Variants in ACSL1 observed in about 807,000 individuals in gnomAD.
The protein encoded by ACSL1 is acyl-CoA synthetase long chain family member 1.
Under a neutral mutation model 98.4 loss-of-function variants are expected in ACSL1, and 41 were observed. That is an observed-to-expected ratio of 0.42 (90% CI 0.32 to 0.54). The LOEUF is 0.54. Ranked by LOEUF, ACSL1 falls within the 20% of genes least tolerant of loss-of-function variation. The probability of loss-of-function intolerance (pLI) is 0.13; values close to 1 mark genes in which losing one functional copy is unlikely to be tolerated. For missense variants in ACSL1, 734 were observed against 883.1 expected (o/e 0.83, Z 2.14); for synonymous variants, 316 against 322.7 (o/e 0.98, Z 0.22).
chr4:184,819,397 C>T (rs766887771), intron 1 of ACSL1, among the ~76,000 whole-genome samples: 10 of 152,078 alleles, frequency 6.6e-5, no homozygotes, highest in Non-Finnish European at 1.3e-4. Context: ...CCTGCCTTGG[C>T]CTCCCAAAGT....
Position 184,788,678 on chromosome 4 carries a change from C to A in ACSL1, c.249G>T (p.Val83=). ...SALLDSDEPL[V]YFYDDVTTLY... ...ATGTTGTGACATCATCATAGAAATA[C>A]ACCAAGGGCTCGTCGCTGTCAAGTA... The change falls in exon 3 of 21, where the codon GTG becomes GTT. Residue 83 remains valine (V), a synonymous_variant. Coordinates refer to ENST00000281455, the MANE Select transcript of ACSL1 (RefSeq NM_001995.5). The A allele has an allele frequency of 6.2e-7, 1 of 1,614,184 alleles. No homozygotes were observed. Among genetic ancestry groups the A allele is most frequent in the South Asian group, 1.1e-5 (1 of 91,082 alleles).
chr4:184,808,269 C>T, intron 1 of ACSL1: 6 of 973,532 alleles, frequency 6.2e-6, no homozygotes, highest in Non-Finnish European at 7.3e-6. Flanking sequence ...ACTGCCCCTG[C>T]AACTCTGCAA....
At chr4:184,825,998 G>C (rs1380063780), upstream of ACSL1, 4 of 148,266 alleles carry the variant, frequency 2.7e-5, no homozygotes, top group African/African-American at 9.8e-5. This position sits in a 1 kb window ranked among gnomAD's most constrained non-coding sequence, Gnocchi z 4.7. Flanking sequence ...TGCTATTTAA[G>C]GCGCCGCTGG....
rs144367912 is a variant in ACSL1, at chr4:184,804,530, G to A, written c.-32-984C>T. Among the ~76,000 whole-genome samples the A allele has an allele frequency of 1.4e-3, 217 of 151,908 alleles. 1 individual carries two copies. The highest frequency in any genetic ancestry group is 5.1e-3 in the African/African-American group (212 of 41,400). ...AGGAGGCAGAGGGTTGCAGTGAGCC[G>A]GGATCGTGCCACTGCACTCCAATCT... On this transcript the variant is annotated intron_variant, in intron 1 of 20. Transcript: ENST00000281455.
chr4:184,802,797 T>A (rs1046862873), intron 2 of ACSL1, among the ~76,000 whole-genome samples: 2 of 152,202 alleles, frequency 1.3e-5, no homozygotes, highest in African/African-American at 4.8e-5. Flanking sequence ...GAGGGTTGTT[T>A]CTTCATGTCC....
intron 1 of ACSL1, chr4:184,812,196 C>T: frequency 1.0e-6 from 1 of 985,424 alleles, no homozygotes. Context: ...GATGCTTCTT[C>T]CTCTCCCCGG....
intron 3 of ACSL1, among the ~76,000 whole-genome samples, chr4:184,785,992 A>G (rs1767226530): frequency 6.6e-6 from 1 of 151,898 alleles, no homozygotes; most frequent in Non-Finnish European, 1.5e-5. Flanking sequence ...GGTCCTAGTG[A>G]GTGTGGGTGA....
intron 1 of ACSL1, chr4:184,808,378 T>C (rs1579955686): frequency 3.0e-6 from 3 of 985,448 alleles, no homozygotes; most frequent in Non-Finnish European, 3.6e-6. Flanking sequence ...CCTCAAGCTT[T>C]CATCAAGATG....
chr4:184,761,099 C>G (rs116169308), intron 17 of ACSL1, among the ~76,000 whole-genome samples: 1 of 152,184 alleles, frequency 6.6e-6, no homozygotes, highest in African/African-American at 2.4e-5. Flanking sequence ...TTACCCCATC[C>G]CCACCCCGGG....
intron 2 of ACSL1, among the ~76,000 whole-genome samples, chr4:184,797,625 C>T (rs1769664119): frequency 6.6e-6 from 1 of 152,168 alleles, no homozygotes; most frequent in South Asian, 2.1e-4. Context: ...GGATATGTTG[C>T]CTTTAGTTTG....
At chr4:184,813,908 G>T (rs1393057335) in intron 1 of ACSL1, 3 of 455,514 alleles carry the variant, frequency 6.6e-6, no homozygotes, top group African/African-American at 6.0e-5. Context: ...ACGCAGAGAA[G>T]GTACCTAGAT....
chr4:184,784,206 C>T (rs1766825173), intron 3 of ACSL1, among the ~76,000 whole-genome samples: 1 of 151,910 alleles, frequency 6.6e-6, no homozygotes, highest in South Asian at 2.1e-4. Context: ...TTAAGTGGGG[C>T]AGGAGAGGGG....
At chr4:184,768,949 G>A (rs1352659501) in intron 11 of ACSL1, among the ~76,000 whole-genome samples, 2 of 151,978 alleles carry the variant, frequency 1.3e-5, no homozygotes, top group Admixed American at 6.6e-5. Flanking sequence ...GGTGCCCATA[G>A]TCCCAGCGAC....
intron 1 of ACSL1, among the ~76,000 whole-genome samples, chr4:184,819,957 T>C (rs926490142): frequency 5.9e-5 from 9 of 151,724 alleles, no homozygotes; most frequent in Non-Finnish European, 7.4e-5. Context: ...ACAGAGAGGG[T>C]CAGAATAAGC....
intron 2 of ACSL1, among the ~76,000 whole-genome samples, chr4:184,796,444 G>C (rs1769376155): frequency 6.6e-6 from 1 of 152,192 alleles, no homozygotes; most frequent in South Asian, 2.1e-4. Context: ...TCAAATGCTG[G>C]AATACTTTTC....
intron 5 of ACSL1, among the ~76,000 whole-genome samples, chr4:184,777,737 C>T (rs1765528566): frequency 6.6e-6 from 1 of 151,944 alleles, no homozygotes; most frequent in African/African-American, 2.4e-5. Flanking sequence ...GCTACAGATG[C>T]TACTGGGAGG....
At chr4:184,819,625 C>T (rs1394241598) in intron 1 of ACSL1, among the ~76,000 whole-genome samples, 2 of 152,058 alleles carry the variant, frequency 1.3e-5, no homozygotes, top group Admixed American at 6.6e-5. Context: ...TAACCCCATG[C>T]CGCCAGAGTT....
At chr4:184,821,301 T>C (rs1773053725) in intron 1 of ACSL1, 3 of 327,784 alleles carry the variant, frequency 9.2e-6, no homozygotes, top group South Asian at 2.3e-5. Flanking sequence ...ATAAATAGTA[T>C]TCAGAGTGTT....
intron 2 of ACSL1, among the ~76,000 whole-genome samples, chr4:184,791,697 C>T (rs993944097): frequency 1.3e-5 from 2 of 151,996 alleles, no homozygotes; most frequent in African/African-American, 4.8e-5. Context: ...AGGGAAGAGA[C>T]TGGGGAGAAA....
Sources: allele counts gnomAD v4.1 joint callset (sites outside exome capture counted in the v4.1 genomes callset), GRCh38; gene constraint gnomAD v4.1.1; non-coding constraint Gnocchi (gnomAD v3.1); transcripts MANE v1.5; gene names NCBI Gene and HGNC (gene_info 2026-07-23, HGNC 2026-07-21).